The following CHL1 variants were observed in gnomAD, a reference collection of about 807,000 sequenced individuals.
CHL1 encodes the protein neural cell adhesion molecule L1-like protein.
A neutral mutation model predicts 141.9 loss-of-function variants in CHL1; 96 were observed. The ratio of observed to expected loss-of-function variants is 0.68; its 90% CI spans 0.57 to 0.80. The LOEUF is 0.80. Among genes scored for constraint, CHL1 ranks in the 30% least tolerant of loss-of-function variants. CHL1 has a pLI of 0.00. For synonymous variants in CHL1, 613 were observed against 502.2 expected (o/e 1.22, Z -2.95); for missense variants, 1,820 against 1,457.2 (o/e 1.25, Z -4.05).
chr3:203,944 G>C (rs1699180964), intron 1 of CHL1, among the ~76,000 whole-genome samples: 1 of 152,212 alleles, frequency 6.6e-6, no homozygotes, highest in Admixed American at 6.5e-5. Context: ...GTGAGTAGTG[G>C]GGAAGGGGAA....
chr3:249,922 G>T (rs992881716), intron 2 of CHL1, among the ~76,000 whole-genome samples: 2 of 151,856 alleles, frequency 1.3e-5, no homozygotes, highest in African/African-American at 4.8e-5. Context: ...TCTGTACCTG[G>T]GGACTGTGAA....
At chr3:366,139 CATA>C (rs1213959310) in intron 15 of CHL1, 24 bp downstream of exon 15, 1 of 1,602,164 alleles carries the variant, frequency 6.2e-7, no homozygotes, top group Non-Finnish European at 8.5e-7. Context: ...TATGATATGT[CATA>C]ATATTTGCTT....
chr3:205,098 T>G (rs1331202168), intron 1 of CHL1, among the ~76,000 whole-genome samples: 1 of 46,770 alleles, frequency 2.1e-5, no homozygotes, highest in Non-Finnish European at 5.5e-5. Flanking sequence ...TTTTCTTTCT[T>G]TCTTTCTTTT....
intron 4 of CHL1, among the ~76,000 whole-genome samples, chr3:327,541 C>A (rs1038705115): frequency 1.3e-5 from 2 of 151,292 alleles, no homozygotes; most frequent in African/African-American, 4.9e-5. Flanking sequence ...GGACAAGTAC[C>A]AAAGAATAAA....
chr3:309,082 A>T (rs9883060), intron 2 of CHL1: 45,322 of 152,114 alleles, frequency 0.3, 7,549 homozygotes, highest in African/African-American at 0.46. Flanking sequence ...TCACACGCAG[A>T]CAAGATCAGC....
intron 1 of CHL1, among the ~76,000 whole-genome samples, chr3:229,271 C>T (rs1219215812): frequency 5.3e-5 from 8 of 152,100 alleles, no homozygotes; most frequent in Non-Finnish European, 7.4e-5. Context: ...TTATGTCCTT[C>T]GGTAACTTCA....
chr3:264,513 T>A (rs1229760868), intron 2 of CHL1, among the ~76,000 whole-genome samples: 3 of 152,186 alleles, frequency 2.0e-5, no homozygotes, highest in Non-Finnish European at 4.4e-5. Context: ...ATTAACAAAA[T>A]GCCCCTGGTC....
At chr3:387,389 G>T (rs536076856) in intron 19 of CHL1, among the ~76,000 whole-genome samples, 1 of 152,296 alleles carries the variant, frequency 6.6e-6, no homozygotes, top group African/African-American at 2.4e-5. Flanking sequence ...GTTCTTTCTT[G>T]AAGAGATTAT....
rs924557289 is a variant in CHL1 at position 344,612 on chromosome 3, C to T, written c.751C>T (p.Pro251Ser). 3.1e-6 allele frequency: 5 copies of T among 1,611,390 alleles called. No individual in the cohort carries two copies. Among genetic ancestry groups the T allele is most frequent in the South Asian group, 1.1e-5 (1 of 90,532 alleles). Residue 251 changes from proline to serine, a missense_variant, in exon 9 of 28, where the codon CCC becomes TCC. Physicochemically the swap from Pro to Ser is moderately conservative, Grantham distance 74 (BLOSUM62 -1). Transcript: ENST00000256509. ...SKANSIKQRK[P>S]KLLLPPTESG... ...AGCAAATTCCATCAAGCAAAGAAAA[C>T]CCAAACTGCTGTTGCCTCCCACTGA...
intron 23 of CHL1, among the ~76,000 whole-genome samples, chr3:393,475 GT>G (rs1708417470): frequency 6.6e-6 from 1 of 151,854 alleles, no homozygotes; most frequent in Non-Finnish European, 1.5e-5. Context: ...TGACATTTAC[GT>G]TTATTTAAAA....
In CHL1 at chr3:399,107, C is replaced by T; in HGVS notation, c.3344C>T (p.Thr1115Ile). The T allele has an allele frequency of 1.9e-6, 3 of 1,609,354 alleles. No individual in the cohort carries two copies. Among genetic ancestry groups the T allele is most frequent in the Non-Finnish European group, 2.6e-6 (3 of 1,175,688 alleles). ...AIALLTLLLL[T>I]VCFVKRNRGG... The stretch of plus-strand genomic sequence containing the variant: ...GCTCTTCTCACACTACTATTATTAA[C>T]TGTTTGCTTTGTGAAGAGGAATAGA... The change falls in exon 26 of 28, where the codon ACT becomes ATT. Residue 1115 changes from threonine to isoleucine, a missense_variant. Transcript: ENST00000256509.
chr3:211,264 A>T (rs1699882957), intron 1 of CHL1, among the ~76,000 whole-genome samples: 1 of 152,198 alleles, frequency 6.6e-6, no homozygotes, highest in South Asian at 2.1e-4. Flanking sequence ...TAATGATGAT[A>T]CATCGGGCTG....
At position 302,618 on chromosome 3, in the gene CHL1, T is replaced by G. The variant is rs2124914749; in HGVS notation, c.-94-17065T>G. On this transcript the variant is annotated intron_variant, in intron 2 of 27. Transcript: ENST00000256509. The stretch of plus-strand genomic sequence containing the variant: ...GTTTCTTTTTTTCTTGTAAATTTGT[T>G]TAAGTTCTTTGTAGATTCTGGATAG... Among the ~76,000 whole-genome samples the G allele has an allele frequency of 1.3e-5, 2 of 152,346 alleles. 1 individual carries two copies. Among genetic ancestry groups the G allele is most frequent in the Admixed American group, 1.3e-4 (2 of 15,302 alleles).
chr3:273,203 G>T (rs1317775074), intron 2 of CHL1, among the ~76,000 whole-genome samples: 1 of 152,148 alleles, frequency 6.6e-6, no homozygotes, highest in Non-Finnish European at 1.5e-5. Flanking sequence ...GCATTCTTCA[G>T]TGTTGTTGGC....
chr3:329,906 C>A (rs968819092), intron 5 of CHL1, among the ~76,000 whole-genome samples: 2 of 151,946 alleles, frequency 1.3e-5, no homozygotes, highest in Non-Finnish European at 2.9e-5. Flanking sequence ...AAAAATAGAA[C>A]TACAAAGAGA....
At chr3:253,260 A>G (rs946574818) in intron 2 of CHL1, among the ~76,000 whole-genome samples, 2 of 152,088 alleles carry the variant, frequency 1.3e-5, no homozygotes, top group Non-Finnish European at 2.9e-5. Context: ...CTCGTTATGA[A>G]CCAATTATGC....
At chr3:239,299 A>G (rs527889519) in intron 1 of CHL1, among the ~76,000 whole-genome samples, 2 of 152,276 alleles carry the variant, frequency 1.3e-5, no homozygotes, top group African/African-American at 2.4e-5. Flanking sequence ...AACAGATACT[A>G]TTATCCCTTA....
intron 15 of CHL1, among the ~76,000 whole-genome samples, chr3:375,117 GC>G (rs60362509): frequency 6.6e-6 from 1 of 152,046 alleles, no homozygotes; most frequent in South Asian, 2.1e-4. Flanking sequence ...AGATTGAAAT[GC>G]CCCCCCAGGA....
intron 2 of CHL1, among the ~76,000 whole-genome samples, chr3:256,327 G>A (rs924022909): frequency 3.3e-5 from 5 of 152,176 alleles, no homozygotes; most frequent in Non-Finnish European, 1.5e-5. Flanking sequence ...GTAAAGCAGA[G>A]CTCCTCCTTT....
Sources: gnomAD v4.1 joint callset for allele counts (sites outside exome capture counted in the v4.1 genomes callset) on GRCh38, gnomAD v4.1.1 for gene constraint, MANE v1.5 for transcripts, NCBI Gene and HGNC (gene_info 2026-07-23, HGNC 2026-07-21) for gene names.